Variants in TMEM267 observed in about 807,000 individuals in gnomAD.
TMEM267 encodes transmembrane protein C5orf28.
A neutral mutation model predicts 19.3 loss-of-function variants in TMEM267; 20 were observed. That is an observed-to-expected ratio of 1.04 (90% confidence interval 0.73 to 1.51). TMEM267 has a LOEUF of 1.51. TMEM267 is among the 40% of genes most tolerant of loss of function. TMEM267 has a pLI of 0.00. For missense variants in TMEM267, 242 were observed against 261.9 expected, an observed-to-expected ratio of 0.92 and a Z score of 0.52; for synonymous variants, 88 against 90.3, an observed-to-expected ratio of 0.97 and a Z score of 0.15.
intron 1 of TMEM267, among the ~76,000 whole-genome samples, chr5:43,466,545 T>A (rs1743690120): frequency 6.6e-6 from 1 of 151,890 alleles, no homozygotes; most frequent in African/African-American, 2.4e-5. Flanking sequence ...TAATGAGCAA[T>A]AAGAAATAAT....
chr5:43,466,518 C>G (rs1743688155), intron 1 of TMEM267, among the ~76,000 whole-genome samples: 2 of 151,928 alleles, frequency 1.3e-5, no homozygotes, highest in Non-Finnish European at 2.9e-5. Flanking sequence ...GAACTTCAGT[C>G]AGAAAGGAAA....
chr5:43,446,654 T>C (rs183681009), intron 2 of TMEM267, 97 bp from the exon 3 acceptor site: 27 of 721,792 alleles, frequency 3.7e-5, no homozygotes, highest in East Asian at 3.0e-4. Flanking sequence ...CCAGAGTCTA[T>C]TGGACATGCA....
intron 1 of TMEM267, among the ~76,000 whole-genome samples, chr5:43,471,991 A>G (rs1476804170): frequency 6.6e-6 from 1 of 152,198 alleles, no homozygotes; most frequent in Non-Finnish European, 1.5e-5. Flanking sequence ...CAATCAGTAA[A>G]GTGAAGAAAA....
At chr5:43,452,077 C>CCAA (rs1742631449) in intron 2 of TMEM267, among the ~76,000 whole-genome samples, 1 of 86,552 alleles carries the variant, frequency 1.2e-5, no homozygotes, top group African/African-American at 4.4e-5. Context: ...GACCCTATCT[C>CCAA]AAAAAAAAAA....
intron 1 of TMEM267, among the ~76,000 whole-genome samples, chr5:43,476,508 C>CTTTTTTTTTTTTTTTTT (rs67848213): frequency 1.8e-5 from 1 of 54,796 alleles, no homozygotes. Context: ...AAAGCCAGAC[C>CTTTTTTTTTTTTTTTTT]TTTTTTTTTT....
intron 1 of TMEM267, among the ~76,000 whole-genome samples, chr5:43,462,152 A>G (rs772825625): frequency 2.0e-5 from 3 of 152,226 alleles, no homozygotes; most frequent in Non-Finnish European, 4.4e-5. Flanking sequence ...GGTAATCCAG[A>G]GAATTCTCCC....
chr5:43,454,553 G>A (rs936032543), intron 1 of TMEM267: 1 of 152,264 alleles, frequency 6.6e-6, no homozygotes, highest in African/African-American at 2.4e-5. Context: ...TTTGTCTTGT[G>A]GTAGAGAAAG....
At chr5:43,482,948 G>A (rs1297363888) in intron 1 of TMEM267, among the ~76,000 whole-genome samples, 2 of 152,196 alleles carry the variant, frequency 1.3e-5, no homozygotes, top group Non-Finnish European at 2.9e-5. Flanking sequence ...AGTGTCATCT[G>A]TTTTAACTTT....
At chr5:43,472,869 G>A (rs1471515037) in intron 1 of TMEM267, among the ~76,000 whole-genome samples, 1 of 150,854 alleles carries the variant, frequency 6.6e-6, no homozygotes, top group Non-Finnish European at 1.5e-5. Flanking sequence ...GCCGGGCACG[G>A]TGGCTCACAC....
intron 2 of TMEM267, among the ~76,000 whole-genome samples, chr5:43,452,585 TA>T (rs35189144): frequency 0.034 from 4,246 of 123,872 alleles, 212 homozygotes; most frequent in African/African-American, 0.11. Flanking sequence ...CCTAAATCCA[TA>T]AAAAAAAAAA....
At chr5:43,449,843 G>T (rs932600519) in intron 2 of TMEM267, among the ~76,000 whole-genome samples, 2 of 152,166 alleles carry the variant, frequency 1.3e-5, no homozygotes, top group Non-Finnish European at 2.9e-5. Context: ...ATAACCTGAT[G>T]TTGAGTTATG....
intron 1 of TMEM267, among the ~76,000 whole-genome samples, chr5:43,459,182 G>C (rs954227047): frequency 6.6e-6 from 1 of 152,108 alleles, no homozygotes; most frequent in African/African-American, 2.4e-5. Flanking sequence ...TTTTGCCTTA[G>C]AAATTATACA....
chr5:43,468,421 T>C (rs952930558), intron 1 of TMEM267, among the ~76,000 whole-genome samples: 1 of 152,158 alleles, frequency 6.6e-6, no homozygotes, highest in Non-Finnish European at 1.5e-5. Flanking sequence ...ATGGAGTCTG[T>C]CTGGTTCTCT....
intron 1 of TMEM267, among the ~76,000 whole-genome samples, chr5:43,458,867 A>C (rs775293632): frequency 7.2e-5 from 11 of 152,212 alleles, no homozygotes; most frequent in Non-Finnish European, 1.5e-4. Flanking sequence ...TGAATCTTTC[A>C]AACATCAAAA....
In TMEM267 at chr5:43,478,559, G is replaced by T. The variant is rs542559331; in HGVS notation, c.-75+5263C>A. Reference sequence around the variant, plus strand: ...AAAATTATTTTTAAAAATCTGATAGGCATGACTACACAATAAAGTTTCTGC... The same window carrying T: ...AAAATTATTTTTAAAAATCTGATAGTCATGACTACACAATAAAGTTTCTGC... On this transcript the variant is annotated intron_variant, in intron 1 of 2. Transcript: ENST00000397080. 3.5e-4 allele frequency among the ~76,000 whole-genome samples: 53 copies of T among 152,210 alleles called. 1 individual carries two copies. Among genetic ancestry groups the T allele is most frequent in the African/African-American group, 1.2e-3 (51 of 41,552 alleles).
intron 1 of TMEM267, among the ~76,000 whole-genome samples, chr5:43,472,281 C>A (rs1416384926): frequency 6.6e-6 from 1 of 151,850 alleles, no homozygotes; most frequent in Non-Finnish European, 1.5e-5. Context: ...ATCCAAAAGA[C>A]AGGCAATAAC....
intron 1 of TMEM267, among the ~76,000 whole-genome samples, chr5:43,473,796 T>C (rs1744230651): frequency 6.6e-6 from 1 of 152,098 alleles, no homozygotes; most frequent in African/African-American, 2.4e-5. Flanking sequence ...ACAGCATGCA[T>C]AAATAGCCAA....
intron 1 of TMEM267, among the ~76,000 whole-genome samples, chr5:43,464,348 A>T (rs796446578): frequency 2.0e-5 from 3 of 152,192 alleles, no homozygotes; most frequent in South Asian, 4.1e-4. Flanking sequence ...CATGGGTAGG[A>T]AGAATCAATA....
At chr5:43,471,534 T>C (rs1433891518) in intron 1 of TMEM267, among the ~76,000 whole-genome samples, 1 of 152,116 alleles carries the variant, frequency 6.6e-6, no homozygotes, top group Non-Finnish European at 1.5e-5. Context: ...ATTACCTGAT[T>C]TCAAATTATA....
Sources: allele counts gnomAD v4.1 joint callset (sites outside exome capture counted in the v4.1 genomes callset), GRCh38; gene constraint gnomAD v4.1.1; transcripts MANE v1.5; gene names NCBI Gene and HGNC (gene_info 2026-07-23, HGNC 2026-07-21).